NRXN3: variants seen among roughly 807,000 people sequenced by gnomAD.
NRXN3 encodes the protein neurexin III.
Under a neutral mutation model 137.6 loss-of-function variants are expected in NRXN3, and 32 were observed. That is an observed-to-expected ratio of 0.23 (90% CI 0.18 to 0.31). The LOEUF is 0.31. Among genes scored for constraint, NRXN3 ranks in the 10% least tolerant of loss-of-function variants. The probability of loss-of-function intolerance (pLI) is 1.00; values close to 1 mark genes in which losing one functional copy is unlikely to be tolerated. For synonymous variants in NRXN3, 798 were observed against 784.5 expected (o/e 1.02, Z -0.29); for missense variants, 1,574 against 2,062.5 (o/e 0.76, Z 4.59).
intron 19 of NRXN3, among the ~76,000 whole-genome samples, chr14:79,790,490 G>C (rs1245962246): frequency 6.6e-6 from 1 of 151,240 alleles, no homozygotes; most frequent in African/African-American, 2.4e-5. Flanking sequence ...TTAATTTTTT[G>C]TTGAGATGGG....
intron 20 of NRXN3, among the ~76,000 whole-genome samples, chr14:79,830,355 T>C (rs971698677): frequency 1.3e-5 from 2 of 152,194 alleles, no homozygotes; most frequent in African/African-American, 4.8e-5. Flanking sequence ...TGGACTTGAC[T>C]CTGGATAGTG....
chr14:79,826,912 G>A (rs1178454731), intron 20 of NRXN3, among the ~76,000 whole-genome samples: 1 of 152,160 alleles, frequency 6.6e-6, no homozygotes, highest in Non-Finnish European at 1.5e-5. Context: ...CTTCAGCACA[G>A]GAGGAAGATT....
chr14:78,561,901 A>G (rs1267292403), intron 4 of NRXN3, among the ~76,000 whole-genome samples: 2 of 152,214 alleles, frequency 1.3e-5, no homozygotes, highest in African/African-American at 4.8e-5. Flanking sequence ...AAGGAGGCAT[A>G]GGAGTTTAAA....
chr14:79,250,341 G>T (rs1459058693), intron 15 of NRXN3, among the ~76,000 whole-genome samples: 1 of 152,104 alleles, frequency 6.6e-6, no homozygotes, highest in African/African-American at 2.4e-5. Context: ...AGAAAAGATA[G>T]AGAAAATGTG....
intron 15 of NRXN3, among the ~76,000 whole-genome samples, chr14:79,399,686 G>T (rs1377611640): frequency 1.3e-5 from 2 of 152,112 alleles, no homozygotes; most frequent in African/African-American, 4.8e-5. Flanking sequence ...TGTGCTCAAG[G>T]CTATGGCAGA....
intron 15 of NRXN3, among the ~76,000 whole-genome samples, chr14:79,291,699 T>C (rs960584352): frequency 4.0e-5 from 6 of 149,568 alleles, no homozygotes; most frequent in African/African-American, 1.5e-4. Context: ...AAGTATATAC[T>C]GAAATTATAC....
chr14:79,839,968 CATGT>C (rs35448994), intron 20 of NRXN3, among the ~76,000 whole-genome samples: 1 of 147,184 alleles, frequency 6.8e-6, no homozygotes, highest in African/African-American at 2.5e-5. Flanking sequence ...TTTCTGGAAG[CATGT>C]ATGTATGTAT....
chr14:78,389,851 C>T (rs539786609), intron 4 of NRXN3, among the ~76,000 whole-genome samples: 5 of 151,960 alleles, frequency 3.3e-5, no homozygotes, highest in African/African-American at 4.8e-5. Context: ...TATTCATTTG[C>T]GTTGTGTGAT....
chr14:79,500,669 C>G lies in NRXN3; in HGVS notation c.3444+33267C>G, dbSNP rs1022691508. Among the ~76,000 whole-genome samples the G allele has an allele frequency of 3.7e-4, 56 of 152,138 alleles. 1 individual carries two copies. The highest frequency in any genetic ancestry group is 1.3e-3 in the African/African-American group (54 of 41,434). On this transcript the variant is annotated intron_variant, in intron 16 of 20. Transcript: ENST00000335750. ...CTGCTTTGCTAAGAGAACATCAAGG[C>G]TTGGCATAATTGGGCTATTTCCCTG...
intron 4 of NRXN3, among the ~76,000 whole-genome samples, chr14:78,483,848 G>T (rs952409659): frequency 6.6e-6 from 1 of 152,036 alleles, no homozygotes; most frequent in Non-Finnish European, 1.5e-5. Flanking sequence ...GCTTACCAAG[G>T]TTACAAACTA....
chr14:79,646,084 G>A (rs1358640446), intron 16 of NRXN3, among the ~76,000 whole-genome samples: 1 of 136,018 alleles, frequency 7.4e-6, no homozygotes, highest in African/African-American at 2.5e-5. Context: ...ATTGCAGGTT[G>A]TACTGCTTGG....
chr14:78,228,962 G>C (rs542622304), intron 1 of NRXN3, among the ~76,000 whole-genome samples: 7 of 152,230 alleles, frequency 4.6e-5, no homozygotes, highest in Admixed American at 3.3e-4. Flanking sequence ...TCAGTAAAAA[G>C]GAAATGAGTA....
At chr14:78,572,067 G>C (rs962062580) in intron 4 of NRXN3, among the ~76,000 whole-genome samples, 1 of 152,180 alleles carries the variant, frequency 6.6e-6, no homozygotes, top group South Asian at 2.1e-4. Context: ...TACATACCTA[G>C]CTCCTGCTTG....
chr14:79,194,579 C>T (rs1369675155), intron 15 of NRXN3, among the ~76,000 whole-genome samples: 2 of 152,146 alleles, frequency 1.3e-5, no homozygotes, highest in Non-Finnish European at 2.9e-5. Context: ...CAGAGGATTC[C>T]CCCAGAAGAA....
chr14:78,732,916 T>C (rs1398871807), intron 8 of NRXN3, among the ~76,000 whole-genome samples: 1 of 152,178 alleles, frequency 6.6e-6, no homozygotes, highest in Non-Finnish European at 1.5e-5. Context: ...TTTTTTGCTT[T>C]TTGGAAAATT....
chr14:78,910,991 T>G (rs2099235764), intron 10 of NRXN3, among the ~76,000 whole-genome samples: 1 of 152,174 alleles, frequency 6.6e-6, no homozygotes, highest in African/African-American at 2.4e-5. Flanking sequence ...AATTTGACTT[T>G]TCATATTCCA....
At chr14:78,684,356 A>AG (rs1172630297) in intron 6 of NRXN3, among the ~76,000 whole-genome samples, 1 of 152,220 alleles carries the variant, frequency 6.6e-6, no homozygotes, top group African/African-American at 2.4e-5. Flanking sequence ...GGCCTGGATA[A>AG]GGCTTTTAAA....
At chr14:78,275,322 G>A (rs1418149745) in intron 2 of NRXN3, among the ~76,000 whole-genome samples, 2 of 152,090 alleles carry the variant, frequency 1.3e-5, no homozygotes, top group Admixed American at 1.3e-4. Context: ...ATAGATGCTC[G>A]GCCAATAGGT....
chr14:79,480,951 T>C (rs1015814982), intron 16 of NRXN3, among the ~76,000 whole-genome samples: 5 of 152,140 alleles, frequency 3.3e-5, no homozygotes, highest in African/African-American at 9.7e-5. Context: ...TTAAACCCCT[T>C]TTCTTATAAA....
Sources: allele counts gnomAD v4.1 joint callset (sites outside exome capture counted in the v4.1 genomes callset), GRCh38; gene constraint gnomAD v4.1.1; transcripts MANE v1.5; gene names NCBI Gene and HGNC (gene_info 2026-07-23, HGNC 2026-07-21).